Variants in SMARCC2 observed in about 807,000 individuals in gnomAD.
SMARCC2 encodes the protein SWI/SNF complex subunit SMARCC2.
A neutral mutation model predicts 151.3 loss-of-function variants in SMARCC2; 15 were observed. That is an observed-to-expected ratio of 0.10 (90% CI 0.07 to 0.15). SMARCC2 has a LOEUF of 0.15. Ranked by LOEUF, SMARCC2 falls within the 10% of genes least tolerant of loss-of-function variation. The probability of loss-of-function intolerance (pLI) is 1.00; values close to 1 mark genes in which losing one functional copy is unlikely to be tolerated. For missense variants in SMARCC2, 1,031 were observed against 1,599.7 expected (o/e 0.64, Z 6.06); for synonymous variants, 590 against 609.5 (o/e 0.97, Z 0.47).
intron 15 of SMARCC2, 137 bp from the exon 16 acceptor site, chr12:56,174,901 T>G (rs1466521992): frequency 9.6e-6 from 6 of 623,524 alleles, no homozygotes; most frequent in Non-Finnish European, 1.7e-5. Context: ...TGACTCTACA[T>G]GCTGAGTGCC....
chr12:56,172,701 TCTG>T lies in SMARCC2; in HGVS notation c.1744_1746del (p.Gln582del). 6.2e-7 allele frequency: 1 copy of T among 1,614,128 alleles called. No homozygotes were observed. The highest frequency in any genetic ancestry group is 8.5e-7 in the Non-Finnish European group (1 of 1,180,014). The stretch of plus-strand genomic sequence containing the variant: ...TTGAGCATTTGTTGGGAAGCAGAGG[TCTG>T]CTATTTGTGGAGGGAAAGAAACAGG... On this transcript the variant is annotated inframe_deletion and splice_region_variant, in exon 19 of 29. Coordinates refer to ENST00000550164, the MANE Select transcript of SMARCC2 (RefSeq NM_001330288.2).
At position 56,189,335 on chromosome 12, in the gene SMARCC2, G is replaced by T; in HGVS notation, c.111+16C>A. ...CCCGCCCCCGGTCCCCGCGCGGCCC[G>T]GCCCGGCCCGCGTACCTTCTTGTAG... On this transcript the variant is annotated intron_variant, in intron 1 of 28. Transcript: ENST00000550164. 2.0e-6 allele frequency: 3 copies of T among 1,468,210 alleles called. No individual in the cohort carries two copies. Among genetic ancestry groups the T allele is most frequent in the Non-Finnish European group, 1.8e-6 (2 of 1,089,114 alleles). The allele number at this position is 1,468,210 out of a possible 1,614,324, so 90.9% of individuals were successfully genotyped here. A position where few individuals can be genotyped will look rare whatever the true frequency, so the allele number is the denominator to read the frequency against.
At position 56,169,445 on chromosome 12, in the gene SMARCC2, G is replaced by A. The variant is rs1268276567; in HGVS notation, c.2715+84C>T. 2.8e-6 allele frequency: 4 copies of A among 1,452,292 alleles called. No homozygotes were observed. The East Asian group carries it at 9.2e-5, about 33-fold the overall frequency. 90.0% of individuals were successfully genotyped at this position (1,452,292 alleles called of 1,614,324 possible). On this transcript the variant is annotated intron_variant, in intron 25 of 28. Coordinates refer to ENST00000550164, the MANE Select transcript of SMARCC2 (RefSeq NM_001330288.2). ...AATAGGTCAGCATTATTTAAGGTGTGAGTGAGGAAAGATTTCCTCTAAGTG... is the reference window on the plus strand; with the variant it reads ...AATAGGTCAGCATTATTTAAGGTGTAAGTGAGGAAAGATTTCCTCTAAGTG...
intron 11 of SMARCC2, 98 bp downstream of exon 11, chr12:56,180,879 G>A: frequency 8.0e-7 from 1 of 1,250,568 alleles, no homozygotes; most frequent in Non-Finnish European, 1.1e-6. Flanking sequence ...CCTGTAGACT[G>A]GGAGGTGGAC....
chr12:56,168,294 T>A (rs868844448), intron 25 of SMARCC2, 100 bp from the exon 26 acceptor site: 4 of 1,399,200 alleles, frequency 2.9e-6, no homozygotes, highest in Non-Finnish European at 4.0e-6. Context: ...AAGAACAAAT[T>A]TGCTGTGGTC....
Position 56,171,744 on chromosome 12 carries a change from G to A in SMARCC2, c.2120C>T (p.Thr707Ile). ...GACGACAGAGGCCAGGAAGGCAACA[G>A]TGCTCATAACAGGGTTGCCCGACTG... ...FSQSGNPVMS[T>I]VAFLASVVDP... Residue 707 changes from threonine (T) to isoleucine (I), a missense_variant, in exon 21 of 29, where the codon ACT becomes ATT. Physicochemically the swap from Thr to Ile is moderately conservative, Grantham distance 89 (BLOSUM62 -1). Coordinates refer to ENST00000550164, the MANE Select transcript of SMARCC2 (RefSeq NM_001330288.2). This position sits in a 1 kb window ranked among gnomAD's most constrained non-coding sequence, Gnocchi z 4.2. The A allele has an allele frequency of 6.2e-7, 1 of 1,606,790 alleles. No individual in the cohort carries two copies. Among genetic ancestry groups the A allele is most frequent in the Non-Finnish European group, 8.5e-7 (1 of 1,176,288 alleles).
Position 56,164,432 on chromosome 12 carries a change from G to C in SMARCC2, c.3532C>G (p.Leu1178Val). Residue 1178 changes from leucine (L) to valine (V), a missense_variant, in exon 28 of 29, where the codon CTG becomes GTG. Around this residue, in one of 12 missense-constraint regions of SMARCC2, gnomAD observed 310 missense variants for 350.0 expected, o/e 0.89. Coordinates refer to ENST00000550164, the MANE Select transcript of SMARCC2 (RefSeq NM_001330288.2). ...GATGGCATGGTGGTGGTCGCCGGCA[G>C]GTTAGGATGTAGAGGGTTCGCCATG... The part of the protein sequence containing the change: ...VSMANPLHPN[L>V]PATTTMPSSL... 6.2e-7 allele frequency: 1 copy of C among 1,614,106 alleles called. No individual in the cohort carries two copies. The highest frequency in any genetic ancestry group is 8.5e-7 in the Non-Finnish European group (1 of 1,180,038).
intron 15 of SMARCC2, among the ~76,000 whole-genome samples, chr12:56,175,283 T>G (rs955006126): frequency 5.9e-5 from 9 of 152,322 alleles, no homozygotes; most frequent in African/African-American, 2.2e-4. Flanking sequence ...AGTGCTGGGA[T>G]TACAGGCATG....
At chr12:56,186,307 T>G (rs1321967464) in intron 2 of SMARCC2, 67 bp from the exon 3 acceptor site, 3 of 958,610 alleles carry the variant, frequency 3.1e-6, no homozygotes, top group Non-Finnish European at 5.1e-6. Flanking sequence ...CACTTAATAA[T>G]CTAATAATCC....
At chr12:56,174,964 G>A (rs1170234700) in intron 15 of SMARCC2, among the ~76,000 whole-genome samples, 200 bp from the exon 16 acceptor site, 3 of 152,020 alleles carry the variant, frequency 2.0e-5, no homozygotes, top group African/African-American at 7.3e-5. Flanking sequence ...TCCTTGATGG[G>A]GTTTTCTTTA....
In SMARCC2 at chr12:56,182,021, G is replaced by A. The variant is rs2135735976; in HGVS notation, c.691C>T (p.Pro231Ser). ...IEASVEDAPT[P>S]EKPRKVHAKW... Reference sequence around the variant, plus strand: ...AAGCTCACCTTCCTAGGTTTCTCAGGAGTTGGAGCATCTTCCACAGATGCC... The same window carrying A: ...AAGCTCACCTTCCTAGGTTTCTCAGAAGTTGGAGCATCTTCCACAGATGCC... The change falls in exon 8 of 29, where the codon CCT (proline) becomes TCT (serine). Residue 231 changes from proline (P) to serine (S), a missense_variant. Pro to Ser is a moderately conservative substitution (Grantham distance 74, BLOSUM62 -1). Coordinates refer to ENST00000550164, the MANE Select transcript of SMARCC2 (RefSeq NM_001330288.2). 3.1e-6 allele frequency: 5 copies of A among 1,611,936 alleles called. No homozygotes were observed. Among genetic ancestry groups the A allele is most frequent in the Non-Finnish European group, 3.4e-6 (4 of 1,178,978 alleles).
chr12:56,171,293 G>A lies in SMARCC2; in HGVS notation c.2325C>T (p.Thr775=). 6.2e-7 allele frequency: 1 copy of A among 1,614,218 alleles called. No homozygotes were observed. Among genetic ancestry groups the A allele is most frequent in the Non-Finnish European group, 8.5e-7 (1 of 1,180,032 alleles). Residue 775 remains threonine (T), a synonymous_variant, in exon 22 of 29, where the codon ACC becomes ACT. Coordinates refer to ENST00000550164, the MANE Select transcript of SMARCC2 (RefSeq NM_001330288.2). The surrounding 1 kb of genome is among the most constrained non-coding windows in gnomAD (Gnocchi z 4.2). Reference sequence around the variant, plus strand: ...TACCAATCCGCTCAGGCTCATCAGAGGTGGTTCCTGCAATGCCACTGCTTT... The same window carrying A: ...TACCAATCCGCTCAGGCTCATCAGAAGTGGTTCCTGCAATGCCACTGCTTT... The part of the protein sequence containing the change: ...GLESSGIAGT[T]SDEPERIEES...
chr12:56,171,625 T>C lies in SMARCC2; in HGVS notation c.2185+54A>G. The C allele has an allele frequency of 3.3e-6, 5 of 1,520,004 alleles. No homozygotes were observed. Among genetic ancestry groups the C allele is most frequent in the Non-Finnish European group, 4.4e-6 (5 of 1,134,314 alleles). 94.2% of individuals were successfully genotyped at this position (1,520,004 alleles called of 1,614,324 possible). On this transcript the variant is annotated intron_variant, in intron 21 of 28. Transcript: ENST00000550164. The surrounding 1 kb of genome is among the most constrained non-coding windows in gnomAD (Gnocchi z 4.2). ...TGAGAGGATTCACAGTCTGAGTAAC[T>C]AGCCCTTCAAAAGCAAACTAAGAAG... is the stretch of plus-strand genomic sequence containing the variant.
chr12:56,163,327 CTTT>C lies in SMARCC2; in HGVS notation c.*359_*361del, dbSNP rs35695803. 30 of 139,852 alleles carry C rather than the reference CTTT, an allele frequency of 2.1e-4. No individual in the cohort carries two copies. The highest frequency in any genetic ancestry group is 6.2e-4 in the East Asian group (3 of 4,830). 8.7% of individuals were successfully genotyped at this position (139,852 alleles called of 1,614,324 possible). A position where few individuals can be genotyped will look rare whatever the true frequency, so the allele number is the denominator to read the frequency against. ...CTCCAATGTGGCTTTTTAAAATCTA[CTTT>C]TTTTTTTTTTTTTTAATCCATAGAA... On this transcript the variant is annotated 3_prime_UTR_variant, in exon 29 of 29. Transcript: ENST00000550164.
intron 27 of SMARCC2, 139 bp downstream of exon 27, chr12:56,165,179 G>A: frequency 9.2e-7 from 1 of 1,081,160 alleles, no homozygotes; most frequent in East Asian, 2.7e-5. Flanking sequence ...GCTGATTTAG[G>A]GGCCTAAGAG....
Position 56,171,323 on chromosome 12 carries a change from A to T in SMARCC2, c.2295T>A (p.Gly765=), listed in dbSNP as rs1390590342. 2.5e-6 allele frequency: 4 copies of T among 1,614,086 alleles called. No individual in the cohort carries two copies. The Admixed American group carries it at 6.7e-5, about 27-fold the overall frequency. Reference sequence around the variant, plus strand: ...TTCCTGCAATGCCACTGCTTTCCAGACCGAAGGCAGGGTCCGCCTTGCCTG... The same window carrying T: ...TTCCTGCAATGCCACTGCTTTCCAGTCCGAAGGCAGGGTCCGCCTTGCCTG... ...KVTGKADPAF[G]LESSGIAGTT... is the part of the protein sequence containing the mutation. Residue 765 remains glycine, a synonymous_variant, in exon 22 of 29, where the codon GGT becomes GGA. Transcript: ENST00000550164. The surrounding 1 kb of genome is among the most constrained non-coding windows in gnomAD (Gnocchi z 4.2).
intron 2 of SMARCC2, 66 bp downstream of exon 2, chr12:56,187,121 A>G (rs561847982): frequency 6.7e-7 from 1 of 1,484,326 alleles, no homozygotes; most frequent in East Asian, 2.3e-5. Flanking sequence ...TTTTTAAAAT[A>G]CAACTCTTCA....
intron 13 of SMARCC2, 114 bp downstream of exon 13, chr12:56,178,696 G>A: frequency 6.9e-7 from 1 of 1,443,402 alleles, no homozygotes; most frequent in East Asian, 2.3e-5. Flanking sequence ...GAACAAAGCT[G>A]GAATTAGTCT....
At chr12:56,185,956 C>T (rs1715845831) in intron 3 of SMARCC2, 199 bp downstream of exon 3, 1 of 578,854 alleles carries the variant, frequency 1.7e-6, no homozygotes, top group Non-Finnish European at 3.1e-6. Context: ...ACAAAACACA[C>T]AGTGATACTC....
Sources: allele counts gnomAD v4.1 joint callset (sites outside exome capture counted in the v4.1 genomes callset), GRCh38; gene constraint gnomAD v4.1.1; regional missense constraint gnomAD v4.1.1; non-coding constraint Gnocchi (gnomAD v3.1); transcripts MANE v1.5; gene names NCBI Gene and HGNC (gene_info 2026-07-23, HGNC 2026-07-21).